The following NME7 variants were observed in gnomAD, a reference collection of about 807,000 sequenced individuals.
The protein encoded by NME7 is NME/NM23 family member 7.
Under a neutral mutation model 49.1 loss-of-function variants are expected in NME7, and 41 were observed. That is an observed-to-expected ratio of 0.83 (90% CI 0.65 to 1.08). The LOEUF (loss-of-function observed/expected upper bound fraction) is 1.08. Ranked by LOEUF, NME7 falls within the 50% of genes least tolerant of loss-of-function variation. The probability of loss-of-function intolerance (pLI) is 0.00; values close to 1 mark genes in which losing one functional copy is unlikely to be tolerated. For synonymous variants in NME7, 139 were observed against 150.6 expected, an observed-to-expected ratio of 0.92 and a Z score of 0.56; for missense variants, 423 against 463.4, an observed-to-expected ratio of 0.91 and a Z score of 0.80.
intron 10 of NME7, among the ~76,000 whole-genome samples, chr1:169,188,675 G>C (rs542560527): frequency 5.3e-5 from 8 of 152,276 alleles, no homozygotes; most frequent in Admixed American, 3.9e-4. Flanking sequence ...TTAAAGAACA[G>C]GTATAGAAGA....
intron 1 of NME7, among the ~76,000 whole-genome samples, chr1:169,334,668 C>T (rs1652390069): frequency 6.6e-6 from 1 of 152,078 alleles, no homozygotes; most frequent in African/African-American, 2.4e-5. Context: ...GACTTCATGA[C>T]AAAAAGGCCG....
chr1:169,181,218 A>T (rs12067072), intron 10 of NME7, among the ~76,000 whole-genome samples: 56,294 of 151,542 alleles, frequency 0.37, 11,023 homozygotes, highest in East Asian at 0.73. Flanking sequence ...TTGCCCACTT[A>T]TCCTCCACAG....
In NME7 at chr1:169,367,731, A is replaced by G. The variant is rs1436119936; in HGVS notation, c.-21T>C. 1.2e-6 allele frequency: 2 copies of G among 1,614,022 alleles called. No individual in the cohort carries two copies. Among genetic ancestry groups the G allele is most frequent in the African/African-American group, 2.7e-5 (2 of 74,936 alleles). ...ACCATTGTCTCAGGATCTCAGCACT[A>G]GAAAATAGGTATCGTTGAGACAGGA... On this transcript the variant is annotated 5_prime_UTR_variant, in exon 1 of 12. Coordinates refer to ENST00000367811, the MANE Select transcript of NME7 (RefSeq NM_013330.5).
intron 7 of NME7, among the ~76,000 whole-genome samples, chr1:169,254,034 T>G (rs10919111): frequency 0.048 from 7,221 of 151,442 alleles, 227 homozygotes; most frequent in East Asian, 0.12. Flanking sequence ...CTTTTTTGGT[T>G]GTGTCTCTGC....
chr1:169,272,406 C>G (rs903894577), intron 7 of NME7, among the ~76,000 whole-genome samples: 1 of 130,468 alleles, frequency 7.7e-6, no homozygotes, highest in Non-Finnish European at 1.8e-5. Context: ...AGGTATTAAC[C>G]CCAGCATCCA....
In NME7 at chr1:169,282,566, G is replaced by A. The variant is rs1650067370; in HGVS notation, c.754+4737C>T. 2.0e-5 allele frequency among the ~76,000 whole-genome samples: 3 copies of A among 152,032 alleles called. No individual in the cohort carries two copies. In the South Asian group the frequency reaches 6.2e-4, roughly 32 times the overall value. ...AGGGTATCAATTTTAGATCTTTCCTGCTTTCTCTTGTGGGCATTTAGAGCT... is the reference window on the plus strand; with the variant it reads ...AGGGTATCAATTTTAGATCTTTCCTACTTTCTCTTGTGGGCATTTAGAGCT... On this transcript the variant is annotated intron_variant, in intron 7 of 11. Coordinates refer to ENST00000367811, the MANE Select transcript of NME7 (RefSeq NM_013330.5).
intron 1 of NME7, among the ~76,000 whole-genome samples, chr1:169,361,391 G>A (rs1488127994): frequency 6.6e-6 from 1 of 152,150 alleles, no homozygotes; most frequent in Non-Finnish European, 1.5e-5. Context: ...TGTGCTTTCT[G>A]ATTCACTTTT....
At chr1:169,253,598 T>G (rs547988254) in intron 7 of NME7, among the ~76,000 whole-genome samples, 1 of 152,302 alleles carries the variant, frequency 6.6e-6, no homozygotes, top group East Asian at 1.9e-4. Flanking sequence ...TCAAACACTA[T>G]GTTGAATAGG....
At chr1:169,141,214 GC>G (rs1319003322) in intron 11 of NME7, among the ~76,000 whole-genome samples, 1 of 152,098 alleles carries the variant, frequency 6.6e-6, no homozygotes, top group Non-Finnish European at 1.5e-5. Flanking sequence ...CCCAAACCAA[GC>G]CCATCTGATA....
intron 1 of NME7, among the ~76,000 whole-genome samples, chr1:169,354,788 T>C (rs1394980775): frequency 7.2e-6 from 1 of 139,268 alleles, no homozygotes; most frequent in Non-Finnish European, 1.5e-5. Flanking sequence ...TATATGTGTG[T>C]GCACATATCT....
intron 11 of NME7, chr1:169,169,077 A>T (rs764766297): frequency 2.1e-6 from 1 of 470,108 alleles, no homozygotes; most frequent in Non-Finnish European, 4.1e-6. Flanking sequence ...AACCAGAAAA[A>T]AATATCTAAA....
intron 10 of NME7, among the ~76,000 whole-genome samples, chr1:169,224,901 A>G (rs553579176): frequency 1.5e-4 from 23 of 152,288 alleles, no homozygotes; most frequent in African/African-American, 5.1e-4. Context: ...AATAGTATAT[A>G]TAGGGTAAAA....
intron 7 of NME7, among the ~76,000 whole-genome samples, chr1:169,262,416 G>T (rs1165152725): frequency 1.5e-5 from 2 of 134,290 alleles, no homozygotes; most frequent in African/African-American, 5.0e-5. Context: ...TTAATGATGA[G>T]ATAAATCATT....
chr1:169,137,435 G>A (rs1014649284), intron 11 of NME7, among the ~76,000 whole-genome samples: 2 of 152,224 alleles, frequency 1.3e-5, no homozygotes, highest in Non-Finnish European at 2.9e-5. Flanking sequence ...AATAAGCAAT[G>A]AACAGATCGA....
chr1:169,136,064 C>G (rs900128595), intron 11 of NME7, among the ~76,000 whole-genome samples: 3 of 152,088 alleles, frequency 2.0e-5, no homozygotes, highest in Admixed American at 6.6e-5. Flanking sequence ...CTATACAGAC[C>G]AGGCAGGAGG....
intron 7 of NME7, 131 bp downstream of exon 7, chr1:169,287,172 T>C (rs758806021): frequency 1.3e-6 from 1 of 741,254 alleles, no homozygotes; most frequent in Non-Finnish European, 2.3e-6. Flanking sequence ...TCACCTTTAC[T>C]CAAGTGCCTT....
intron 7 of NME7, among the ~76,000 whole-genome samples, chr1:169,253,538 A>G (rs1029404430): frequency 6.6e-6 from 1 of 152,040 alleles, no homozygotes; most frequent in Non-Finnish European, 1.5e-5. Flanking sequence ...TCTTTTCCTA[A>G]TTGAATACCC....
At chr1:169,238,513 AC>A (rs1647957108) in intron 7 of NME7, among the ~76,000 whole-genome samples, 1 of 150,478 alleles carries the variant, frequency 6.6e-6, no homozygotes, top group Admixed American at 6.6e-5. Flanking sequence ...ACACACACAC[AC>A]ACCATATTCT....
intron 10 of NME7, among the ~76,000 whole-genome samples, chr1:169,191,617 C>A (rs904912678): frequency 6.6e-6 from 1 of 152,080 alleles, no homozygotes; most frequent in Non-Finnish European, 1.5e-5. Context: ...AAGTTATTCA[C>A]GTATAATCTC....
Sources: allele counts gnomAD v4.1 joint callset (sites outside exome capture counted in the v4.1 genomes callset), GRCh38; gene constraint gnomAD v4.1.1; transcripts MANE v1.5; gene names NCBI Gene and HGNC (gene_info 2026-07-23, HGNC 2026-07-21).